The following DIAPH1 variants were observed in gnomAD, a reference collection of about 807,000 sequenced individuals.
The protein encoded by DIAPH1 is protein diaphanous homolog 1.
Under a neutral mutation model 140.7 loss-of-function variants are expected in DIAPH1, and 46 were observed. The observed-to-expected ratio is 0.33, with a 90% confidence interval of 0.26 to 0.42. The LOEUF (loss-of-function observed/expected upper bound fraction) is 0.42, where lower values mean the gene tolerates loss of function less well. Ranked by LOEUF, DIAPH1 falls within the 10% of genes least tolerant of loss-of-function variation. The probability of loss-of-function intolerance (pLI) is 1.00; values close to 1 mark genes in which losing one functional copy is unlikely to be tolerated. For missense variants in DIAPH1, 1,310 were observed against 1,558.7 expected (o/e 0.84, Z 2.69); for synonymous variants, 565 against 551.6 (o/e 1.02, Z -0.34).
At chr5:141,544,855 C>T (rs1233559106) in intron 18 of DIAPH1, among the ~76,000 whole-genome samples, 1 of 152,190 alleles carries the variant, frequency 6.6e-6, no homozygotes, top group Non-Finnish European at 1.5e-5. Context: ...GTTAAACATA[C>T]ATTTACCATA....
Position 141,528,918 on chromosome 5 carries a change from C to T in DIAPH1, c.2802G>A (p.Arg934=). The change falls in exon 22 of 28, where the codon CGG becomes CGA. Residue 934 remains arginine (R), a synonymous_variant. Transcript: ENST00000389054. ...GVVMGTVPRL[R]PRLNAILFKL... ...TGAAGAGAATGGCATTGAGGCGAGG[C>T]CGCAGTCGGGGCACAGTGCCCATCT... 1 of 1,613,938 alleles carries T rather than the reference C, an allele frequency of 6.2e-7. No individual in the cohort carries two copies. The highest frequency in any genetic ancestry group is 1.1e-5 in the South Asian group (1 of 91,084).
chr5:141,577,245 T>G (rs2099896103), intron 12 of DIAPH1, among the ~76,000 whole-genome samples: 1 of 152,132 alleles, frequency 6.6e-6, no homozygotes, highest in Non-Finnish European at 1.5e-5. Context: ...CCTACTCCCC[T>G]CCAAAAACAG....
chr5:141,569,580 T>C (rs750354754), intron 18 of DIAPH1, among the ~76,000 whole-genome samples: 32 of 151,936 alleles, frequency 2.1e-4, no homozygotes, highest in Non-Finnish European at 3.8e-4. Context: ...CTGCCCAACA[T>C]GGTAAAACTC....
At chr5:141,592,280 A>G (rs2099898616) in intron 1 of DIAPH1, among the ~76,000 whole-genome samples, 1 of 152,208 alleles carries the variant, frequency 6.6e-6, no homozygotes, top group Non-Finnish European at 1.5e-5. Context: ...AGAATCCAAT[A>G]CAACACTCAA....
intron 13 of DIAPH1, 31 bp from the exon 14 acceptor site, chr5:141,576,325 T>C: frequency 6.5e-7 from 1 of 1,529,768 alleles, no homozygotes; most frequent in South Asian, 1.1e-5. Flanking sequence ...TAAGTAAAGC[T>C]CCTAATTCTC....
chr5:141,534,801 C>A (rs568076207), intron 18 of DIAPH1, among the ~76,000 whole-genome samples: 7 of 152,310 alleles, frequency 4.6e-5, no homozygotes, highest in African/African-American at 1.7e-4. Context: ...CAGGCACAGA[C>A]AATACATAAA....
intron 23 of DIAPH1, 71 bp from the exon 24 acceptor site, chr5:141,527,768 C>A: frequency 1.3e-6 from 2 of 1,484,886 alleles, no homozygotes; most frequent in Admixed American, 2.3e-5. Context: ...CCAGCCTCAA[C>A]ACCCCTTAGT....
chr5:141,518,265 A>C (rs1562276104), intron 27 of DIAPH1, among the ~76,000 whole-genome samples: 1 of 151,036 alleles, frequency 6.6e-6, no homozygotes, highest in Non-Finnish European at 1.5e-5. Context: ...CCTGAATTAT[A>C]CATTTTTAAA....
chr5:141,597,516 A>T (rs1183759038), intron 1 of DIAPH1, among the ~76,000 whole-genome samples: 5 of 152,210 alleles, frequency 3.3e-5, no homozygotes, highest in Non-Finnish European at 7.4e-5. Context: ...GACATGCTCC[A>T]CCAAAATGAG....
chr5:141,571,899 C>T lies in DIAPH1; in HGVS notation c.2473+27G>A, dbSNP rs2099895245. On this transcript the variant is annotated intron_variant, in intron 17 of 27. Coordinates refer to ENST00000389054, the MANE Select transcript of DIAPH1 (RefSeq NM_005219.5). ...AAATATTCTAAGCCCTACACTGGAC[C>T]TTTGCATCAAAGAGGAAGGTACTCA... 3.3e-6 allele frequency: 5 copies of T among 1,501,014 alleles called. No homozygotes were observed. In the East Asian group the frequency reaches 9.0e-5, roughly 27 times the overall value. 93.0% of individuals were successfully genotyped at this position (1,501,014 alleles called of 1,614,324 possible). A position where few individuals can be genotyped will look rare whatever the true frequency, so the allele number is the denominator to read the frequency against.
At chr5:141,603,502 T>A (rs1481361037) in intron 1 of DIAPH1, among the ~76,000 whole-genome samples, 1 of 152,186 alleles carries the variant, frequency 6.6e-6, no homozygotes, top group Non-Finnish European at 1.5e-5. Context: ...AAAATCAGCA[T>A]CTTTTTCCTA....
chr5:141,591,912 T>C (rs1373206921), intron 1 of DIAPH1, among the ~76,000 whole-genome samples: 1 of 149,598 alleles, frequency 6.7e-6, no homozygotes, highest in Non-Finnish European at 1.5e-5. Context: ...TGAAACCCCA[T>C]CACTACTAAA....
Position 141,584,448 on chromosome 5 carries a change from C to CT in DIAPH1, c.301-224dup, listed in dbSNP as rs3217029. Among the ~76,000 whole-genome samples the CT allele has an allele frequency of 0.18, 27,376 of 152,122 alleles. 2,747 individuals carry two copies. Among genetic ancestry groups the CT allele is most frequent in the Admixed American group, 0.3 (4,516 of 15,296 alleles). On this transcript the variant is annotated intron_variant, in intron 3 of 27. Transcript: ENST00000389054. ...ATAAATCTCTATAGACATATACACA[C>CT]TTTTTTTCTCTAAGAAAAATGGACT...
chr5:141,571,854 G>A lies in DIAPH1; in HGVS notation c.2473+72C>T, dbSNP rs765026515. On this transcript the variant is annotated intron_variant, in intron 17 of 27. Coordinates refer to ENST00000389054, the MANE Select transcript of DIAPH1 (RefSeq NM_005219.5). ...CTATCTTCACCCAGGGAAGGGAAGGGAATAGGAAACCTAATGAAAAAATAT... is the reference window on the plus strand; with the variant it reads ...CTATCTTCACCCAGGGAAGGGAAGGAAATAGGAAACCTAATGAAAAAATAT... 16 of 1,076,678 alleles carry A rather than the reference G, an allele frequency of 1.5e-5. No homozygotes were observed. The South Asian group carries it at 2.0e-4, about 13-fold the overall frequency. 66.7% of individuals were successfully genotyped at this position (1,076,678 alleles called of 1,614,324 possible). A position where few individuals can be genotyped will look rare whatever the true frequency, so the allele number is the denominator to read the frequency against.
Position 141,587,009 on chromosome 5 carries a change from G to A in DIAPH1, c.300+33C>T, listed in dbSNP as rs2099897650. The A allele has an allele frequency of 3.7e-6, 6 of 1,613,280 alleles. No individual in the cohort carries two copies. In the Middle Eastern group the frequency reaches 4.9e-4, roughly 133 times the overall value. On this transcript the variant is annotated intron_variant, in intron 3 of 27. Transcript: ENST00000389054. ...GCCCACCATGTCCATAAATGCACAGGAAGAAGCAACATTTTGGGAATGGGA... is the reference window on the plus strand; with the variant it reads ...GCCCACCATGTCCATAAATGCACAGAAAGAAGCAACATTTTGGGAATGGGA...
At chr5:141,552,542 C>T (rs2099891872) in intron 18 of DIAPH1, among the ~76,000 whole-genome samples, 1 of 152,190 alleles carries the variant, frequency 6.6e-6, no homozygotes, top group African/African-American at 2.4e-5. Flanking sequence ...ATAGATTCTT[C>T]TTTAGAGCCT....
intron 1 of DIAPH1, among the ~76,000 whole-genome samples, chr5:141,607,149 A>G (rs2099901111): frequency 6.6e-6 from 1 of 152,194 alleles, no homozygotes; most frequent in Non-Finnish European, 1.5e-5. Flanking sequence ...ATAAACATAT[A>G]TTTTTGCATT....
At chr5:141,590,671 A>G (rs1199103420) in intron 1 of DIAPH1, among the ~76,000 whole-genome samples, 5 of 152,020 alleles carry the variant, frequency 3.3e-5, no homozygotes, top group African/African-American at 7.2e-5. Flanking sequence ...AGATAGATGT[A>G]ATGTAGATAA....
intron 16 of DIAPH1, among the ~76,000 whole-genome samples, chr5:141,573,076 T>G (rs997417933): frequency 6.6e-6 from 1 of 152,180 alleles, no homozygotes; most frequent in African/African-American, 2.4e-5. Flanking sequence ...GATAGAAAGA[T>G]GAAAGCCTTA....
Sources: allele counts gnomAD v4.1 joint callset (sites outside exome capture counted in the v4.1 genomes callset), GRCh38; gene constraint gnomAD v4.1.1; transcripts MANE v1.5; gene names NCBI Gene and HGNC (gene_info 2026-07-23, HGNC 2026-07-21).